The following CCNY variants were observed in gnomAD, a reference collection of about 807,000 sequenced individuals.
CCNY encodes the protein cyclin-Y.
CCNY carries 19 observed loss-of-function variants against 42.8 expected under a neutral mutation model. The ratio of observed to expected loss-of-function variants is 0.44; its 90% CI spans 0.31 to 0.65. The LOEUF is 0.65. Among genes scored for constraint, CCNY ranks in the 30% least tolerant of loss-of-function variants. The pLI, the probability that CCNY is intolerant of heterozygous loss-of-function variation, is 0.07. For synonymous variants in CCNY, 165 were observed against 162.7 expected, an observed-to-expected ratio of 1.01 and a Z score of -0.11; for missense variants, 370 against 437.3, an observed-to-expected ratio of 0.85 and a Z score of 1.37.
intron 1 of CCNY, among the ~76,000 whole-genome samples, chr10:35,348,196 A>G (rs1836347994): frequency 6.6e-6 from 1 of 152,232 alleles, no homozygotes; most frequent in South Asian, 2.1e-4. Flanking sequence ...AGCTGATGTT[A>G]TTGAAGAGTT....
chr10:35,442,486 G>A (rs12414336), intron 1 of CCNY, among the ~76,000 whole-genome samples: 1 of 152,214 alleles, frequency 6.6e-6, no homozygotes, highest in Non-Finnish European at 1.5e-5. Context: ...GAGGTACTTT[G>A]TTGGGAGTTT....
intron 3 of CCNY, among the ~76,000 whole-genome samples, chr10:35,305,985 C>G (rs1016023604): frequency 3.9e-5 from 6 of 152,144 alleles, no homozygotes; most frequent in Admixed American, 3.9e-4. Flanking sequence ...GTTTCCAGTA[C>G]AGTAACACAT....
At chr10:35,521,190 A>G (rs1040152682) in intron 4 of CCNY, among the ~76,000 whole-genome samples, 3 of 152,240 alleles carry the variant, frequency 2.0e-5, no homozygotes, top group African/African-American at 7.2e-5. Flanking sequence ...CTATGTGGCA[A>G]AAGCTGCTGA....
chr10:35,332,950 C>T (rs1835963714), upstream of CCNY, among the ~76,000 whole-genome samples: 1 of 152,164 alleles, frequency 6.6e-6, no homozygotes, highest in Non-Finnish European at 1.5e-5. Context: ...AATTCTTCAA[C>T]AGTGATCATG....
intron 1 of CCNY, among the ~76,000 whole-genome samples, chr10:35,478,318 C>T (rs1218087433): frequency 3.3e-5 from 5 of 151,950 alleles, no homozygotes; most frequent in Middle Eastern, 3.4e-3. Flanking sequence ...CAAAAAAGAG[C>T]GCGCATCACC....
intron 8 of CCNY, among the ~76,000 whole-genome samples, chr10:35,556,980 G>A (rs1460461740): frequency 6.6e-6 from 1 of 151,904 alleles, no homozygotes; most frequent in African/African-American, 2.4e-5. Flanking sequence ...GAGTAGCTGG[G>A]ATTACAGGCG....
intron 1 of CCNY, among the ~76,000 whole-genome samples, chr10:35,478,140 G>T (rs2135357443): frequency 6.7e-6 from 1 of 149,388 alleles, no homozygotes; most frequent in Non-Finnish European, 1.5e-5. Flanking sequence ...AATAAAAGAG[G>T]ATACAAACAA....
At chr10:35,306,702 CCCT>C (rs1835610667) in intron 3 of CCNY, among the ~76,000 whole-genome samples, 1 of 152,126 alleles carries the variant, frequency 6.6e-6, no homozygotes, top group Non-Finnish European at 1.5e-5. Flanking sequence ...ATGCCCTCTC[CCCT>C]CCTTCTCCTT....
chr10:35,376,613 A>C (rs1215519638), intron 1 of CCNY, among the ~76,000 whole-genome samples: 1 of 152,228 alleles, frequency 6.6e-6, no homozygotes, highest in Non-Finnish European at 1.5e-5. Context: ...GCTGATAAGC[A>C]TATAATGCAT....
chr10:35,563,610 T>C (rs544382119), intron 8 of CCNY, among the ~76,000 whole-genome samples: 1 of 152,354 alleles, frequency 6.6e-6, no homozygotes, highest in East Asian at 1.9e-4. Context: ...TGGATTCCAG[T>C]ATTTCACAGG....
intron 2 of CCNY, among the ~76,000 whole-genome samples, chr10:35,250,180 T>G (rs2095710880): frequency 8.2e-6 from 1 of 122,634 alleles, no homozygotes; most frequent in African/African-American, 3.3e-5. Context: ...GGTGACAGAG[T>G]GAGACTCCAT....
chr10:35,341,390 C>T (rs1836178764), intron 1 of CCNY, among the ~76,000 whole-genome samples: 1 of 152,220 alleles, frequency 6.6e-6, no homozygotes, highest in African/African-American at 2.4e-5. Flanking sequence ...CGCCCACTGG[C>T]AATCCCAATG....
At chr10:35,433,691 A>G (rs1838463756) in intron 1 of CCNY, among the ~76,000 whole-genome samples, 1 of 152,122 alleles carries the variant, frequency 6.6e-6, no homozygotes. Context: ...GGCTTACTGC[A>G]TTCTCCGCCT....
intron 1 of CCNY, among the ~76,000 whole-genome samples, chr10:35,464,538 T>C (rs920137338): frequency 7.9e-5 from 12 of 152,142 alleles, no homozygotes; most frequent in Admixed American, 1.3e-4. Flanking sequence ...CCCCTTCTTA[T>C]GGTGCGTCTC....
chr10:35,386,756 T>C (rs1194450740), intron 1 of CCNY, among the ~76,000 whole-genome samples: 1 of 152,152 alleles, frequency 6.6e-6, no homozygotes, highest in Non-Finnish European at 1.5e-5. Flanking sequence ...TTTTGTAGGA[T>C]TGATTATGTG....
Position 35,570,294 on chromosome 10 carries a change from A to G in CCNY, c.*1124A>G, listed in dbSNP as rs1841661938. The G allele has an allele frequency of 1.3e-5, 2 of 152,426 alleles. No homozygotes were observed. The highest frequency in any genetic ancestry group is 2.4e-5 in the African/African-American group (1 of 41,544). 9.4% of individuals were successfully genotyped at this position (152,426 alleles called of 1,614,324 possible). On this transcript the variant is annotated 3_prime_UTR_variant, in exon 10 of 10. Transcript: ENST00000374704. ...GATCATTGAAGGGAAAAATGTTACTATTTACTGAGGTATTTTTCACAGAAT... is the reference window on the plus strand; with the variant it reads ...GATCATTGAAGGGAAAAATGTTACTGTTTACTGAGGTATTTTTCACAGAAT...
At chr10:35,504,829 A>G (rs1210600248) in intron 3 of CCNY, among the ~76,000 whole-genome samples, 1 of 151,998 alleles carries the variant, frequency 6.6e-6, no homozygotes, top group Non-Finnish European at 1.5e-5. Context: ...TAGAGACAGG[A>G]ATTAGCTATG....
At position 35,479,611 on chromosome 10, in the gene CCNY, TGGGGGGAGG is replaced by T. The variant is rs1839614201; in HGVS notation, c.155-3782_155-3774del. Among the ~76,000 whole-genome samples the T allele has an allele frequency of 1.2e-4, 3 of 24,404 alleles. No homozygotes were observed. The South Asian group carries it at 3.8e-3, about 31-fold the overall frequency. 16.0% of individuals were successfully genotyped at this position (24,404 alleles called of 152,430 possible). On this transcript the variant is annotated intron_variant, in intron 1 of 9. Coordinates refer to ENST00000374704, the MANE Select transcript of CCNY (RefSeq NM_145012.6). Reference sequence around the variant, plus strand: ...TCACACTCTGGGGACTGTTGTGGGGTGGGGGGAGGGGGGGGAGGGATAGCATTGGGAGAT... The same window carrying T: ...TCACACTCTGGGGACTGTTGTGGGGTGGGGGGAGGGATAGCATTGGGAGAT...
intron 1 of CCNY, among the ~76,000 whole-genome samples, chr10:35,461,632 T>C (rs959010944): frequency 7.9e-5 from 12 of 152,156 alleles, no homozygotes; most frequent in Non-Finnish European, 4.4e-5. Context: ...ACTCTTTCTT[T>C]AGAGTCATCC....
Sources: gnomAD v4.1 joint callset for allele counts (sites outside exome capture counted in the v4.1 genomes callset) on GRCh38, gnomAD v4.1.1 for gene constraint, MANE v1.5 for transcripts, NCBI Gene and HGNC (gene_info 2026-07-23, HGNC 2026-07-21) for gene names.